ASTN1: variants seen among roughly 807,000 people sequenced by gnomAD.
ASTN1 encodes the protein astrotactin-1.
A neutral mutation model predicts 140.7 loss-of-function variants in ASTN1; 41 were observed. That is an observed-to-expected ratio of 0.29 (90% CI 0.23 to 0.38). The LOEUF (loss-of-function observed/expected upper bound fraction) is 0.38. Among genes scored for constraint, ASTN1 ranks in the 10% least tolerant of loss-of-function variants. ASTN1 has a pLI of 1.00. For missense variants in ASTN1, 1,479 were observed against 1,678.8 expected (o/e 0.88, Z 2.08); for synonymous variants, 640 against 652.2 (o/e 0.98, Z 0.29).
At chr1:176,991,990 A>G (rs1183503783) in intron 8 of ASTN1, among the ~76,000 whole-genome samples, 2 of 152,240 alleles carry the variant, frequency 1.3e-5, no homozygotes, top group Non-Finnish European at 2.9e-5. Context: ...GTTATGTCTG[A>G]ACAATGTAAT....
At chr1:177,013,491 T>C (rs1675393851) in intron 8 of ASTN1, among the ~76,000 whole-genome samples, 2 of 152,182 alleles carry the variant, frequency 1.3e-5, no homozygotes, top group African/African-American at 2.4e-5. Context: ...TCAATCATTT[T>C]TATTGCTCTT....
At chr1:177,118,698 C>T (rs537134319) in intron 1 of ASTN1, among the ~76,000 whole-genome samples, 1 of 152,106 alleles carries the variant, frequency 6.6e-6, no homozygotes, top group Non-Finnish European at 1.5e-5. Context: ...GCCTGTCCAC[C>T]CTCTCAGGCT....
chr1:176,903,981 T>C (rs1669877375), intron 16 of ASTN1, among the ~76,000 whole-genome samples: 1 of 152,240 alleles, frequency 6.6e-6, no homozygotes, highest in Non-Finnish European at 1.5e-5. Flanking sequence ...TTCTTTTCTG[T>C]GTGTCTGTGT....
In ASTN1 at chr1:177,024,521, G is replaced by T. The variant is rs186082957; in HGVS notation, c.1270+62C>A. Reference sequence around the variant, plus strand: ...GTGACTCCTGTCTTCTCTAGCCTTTGCCCAACCAGAAAACTTTCCTTTTTG... The same window carrying T: ...GTGACTCCTGTCTTCTCTAGCCTTTTCCCAACCAGAAAACTTTCCTTTTTG... On this transcript the variant is annotated intron_variant, in intron 6 of 22. Coordinates refer to ENST00000361833, the MANE Select transcript of ASTN1 (RefSeq NM_004319.3). 210 of 1,582,704 alleles carry T rather than the reference G, an allele frequency of 1.3e-4. 1 individual carries two copies. The East Asian group carries it at 2.7e-3, about 20-fold the overall frequency.
intron 14 of ASTN1, among the ~76,000 whole-genome samples, chr1:176,942,180 G>A (rs141414544): frequency 1.6e-3 from 245 of 152,018 alleles, no homozygotes; most frequent in African/African-American, 5.8e-3. Flanking sequence ...CCCACTATGG[G>A]TCAGGAACTG....
chr1:176,928,756 G>A (rs578177497), intron 16 of ASTN1, among the ~76,000 whole-genome samples: 5 of 152,274 alleles, frequency 3.3e-5, no homozygotes, highest in Admixed American at 2.6e-4. Flanking sequence ...ATTATTTAAG[G>A]TCTAGCAATT....
chr1:176,950,356 T>C (rs922781951), intron 11 of ASTN1, among the ~76,000 whole-genome samples: 4 of 152,148 alleles, frequency 2.6e-5, no homozygotes, highest in African/African-American at 7.2e-5. Flanking sequence ...GAACCCTTTG[T>C]AGGTTGGCTG....
At chr1:177,005,917 G>T (rs1436395782) in intron 8 of ASTN1, among the ~76,000 whole-genome samples, 1 of 152,112 alleles carries the variant, frequency 6.6e-6, no homozygotes, top group East Asian at 1.9e-4. Flanking sequence ...CCTAATGACA[G>T]CAATTAATTA....
At chr1:176,877,151 G>A (rs1206783166) in intron 20 of ASTN1, among the ~76,000 whole-genome samples, 2 of 152,236 alleles carry the variant, frequency 1.3e-5, no homozygotes, top group East Asian at 3.8e-4. Context: ...GAATGCCTGT[G>A]AAATGGAGAT....
intron 22 of ASTN1, 57 bp downstream of exon 22, chr1:176,868,787 C>G: frequency 6.6e-7 from 1 of 1,510,618 alleles, no homozygotes; most frequent in Non-Finnish European, 9.0e-7. Context: ...TATTACGGCA[C>G]AAGAGGTACA....
Position 177,082,081 on chromosome 1 carries a change from C to T in ASTN1, c.284-20816G>A, listed in dbSNP as rs528531888. Among the ~76,000 whole-genome samples the T allele has an allele frequency of 2.6e-5, 4 of 152,228 alleles. No homozygotes were observed. The South Asian group carries it at 8.3e-4, about 32-fold the overall frequency. On this transcript the variant is annotated intron_variant, in intron 1 of 22. Transcript: ENST00000361833. ...CTGGATATGCTGAGTTTGACATCCA[C>T]ATTGGATTGTCAGATAGGAAAATTT...
chr1:177,091,368 G>C (rs535664389), intron 1 of ASTN1, among the ~76,000 whole-genome samples: 1 of 152,238 alleles, frequency 6.6e-6, no homozygotes, highest in East Asian at 1.9e-4. Context: ...GGTTTTTCTT[G>C]AATGCAGTTT....
intron 8 of ASTN1, among the ~76,000 whole-genome samples, chr1:176,985,671 C>G (rs1378852488): frequency 6.6e-6 from 1 of 152,136 alleles, no homozygotes; most frequent in African/African-American, 2.4e-5. Context: ...CTGCCCAAAG[C>G]TCCAGTCCCA....
intron 5 of ASTN1, among the ~76,000 whole-genome samples, chr1:177,025,476 T>C (rs924223028): frequency 6.6e-6 from 1 of 150,776 alleles, no homozygotes; most frequent in Non-Finnish European, 1.5e-5. Flanking sequence ...TTTCTTGGCT[T>C]TTTTTTTTCC....
At chr1:176,978,673 C>T (rs891395446) in intron 8 of ASTN1, among the ~76,000 whole-genome samples, 3 of 152,222 alleles carry the variant, frequency 2.0e-5, no homozygotes, top group Non-Finnish European at 2.9e-5. Context: ...TAAGGTTGAA[C>T]TGAAAAGGCT....
In ASTN1 at chr1:176,957,688, G is replaced by T; in HGVS notation, c.1877C>A (p.Thr626Asn). ...GCAGGGCAGACCTACCACGCAACCA[G>T]TGGAGTCCAGCTTGCGATCTGAAAT... Reference protein sequence around the residue: ...RCISDRKLDSTGCVCPSGLSP... With the variant: ...RCISDRKLDSNGCVCPSGLSP... Residue 626 changes from threonine (T) to asparagine (N), a missense_variant, in exon 11 of 23, where the codon ACT (threonine) becomes AAT (asparagine). Thr to Asn is a moderately conservative substitution (Grantham distance 65, BLOSUM62 0). Transcript: ENST00000361833. 1.2e-6 allele frequency: 2 copies of T among 1,614,016 alleles called. No homozygotes were observed. The highest frequency in any genetic ancestry group is 1.7e-6 in the Non-Finnish European group (2 of 1,179,964).
At chr1:177,013,015 C>T (rs920349513) in intron 8 of ASTN1, among the ~76,000 whole-genome samples, 8 of 152,182 alleles carry the variant, frequency 5.3e-5, no homozygotes, top group Admixed American at 4.6e-4. Context: ...ATTTCAGAGG[C>T]AAAGATGGTA....
At chr1:177,102,179 C>G (rs1680333022) in intron 1 of ASTN1, among the ~76,000 whole-genome samples, 1 of 152,116 alleles carries the variant, frequency 6.6e-6, no homozygotes, top group Admixed American at 6.6e-5. Context: ...TGAGAGTACA[C>G]AGAGGTCTAT....
chr1:176,973,831 C>T (rs1673245889), intron 8 of ASTN1, among the ~76,000 whole-genome samples: 1 of 152,162 alleles, frequency 6.6e-6, no homozygotes, highest in African/African-American at 2.4e-5. Context: ...TAGAGTGCTG[C>T]CATCCCAGCC....
Sources: allele counts gnomAD v4.1 joint callset (sites outside exome capture counted in the v4.1 genomes callset), GRCh38; gene constraint gnomAD v4.1.1; transcripts MANE v1.5; gene names NCBI Gene and HGNC (gene_info 2026-07-23, HGNC 2026-07-21).